LRMDA: variants seen among roughly 807,000 people sequenced by gnomAD.
LRMDA encodes the protein leucine-rich melanocyte differentiation-associated protein.
Under a neutral mutation model 29.8 loss-of-function variants are expected in LRMDA, and 18 were observed. The observed-to-expected ratio is 0.60, with a 90% CI of 0.42 to 0.90. The LOEUF is 0.90. LRMDA is among the 40% of genes least tolerant of loss of function. LRMDA has a pLI of 0.00. For synonymous variants in LRMDA, 125 were observed against 109.4 expected, an observed-to-expected ratio of 1.14 and a Z score of -0.89; for missense variants, 273 against 273.9, an observed-to-expected ratio of 1.00 and a Z score of 0.02.
intron 6 of LRMDA, among the ~76,000 whole-genome samples, chr10:76,340,373 G>C (rs1246235774): frequency 6.6e-6 from 1 of 151,744 alleles, no homozygotes; most frequent in African/African-American, 2.4e-5. Context: ...AAAAATAGCT[G>C]GGCATGGTGA....
intron 5 of LRMDA, among the ~76,000 whole-genome samples, chr10:76,107,330 C>G (rs999715840): frequency 6.6e-6 from 1 of 152,198 alleles, no homozygotes; most frequent in South Asian, 2.1e-4. Flanking sequence ...GCATTTCTCA[C>G]AAGTTCCCAG....
At chr10:76,269,657 A>T (rs538951298) in intron 5 of LRMDA, among the ~76,000 whole-genome samples, 1 of 152,192 alleles carries the variant, frequency 6.6e-6, no homozygotes, top group South Asian at 2.1e-4. Flanking sequence ...ACTTTTCACG[A>T]TATATGGTAC....
intron 5 of LRMDA, among the ~76,000 whole-genome samples, chr10:76,273,548 G>A (rs1018439236): frequency 8.5e-5 from 13 of 152,062 alleles, no homozygotes; most frequent in African/African-American, 3.1e-4. Context: ...CCTAAACTTT[G>A]CCATACCTCC....
At chr10:75,655,138 C>T (rs1031068643) in intron 2 of LRMDA, among the ~76,000 whole-genome samples, 5 of 152,180 alleles carry the variant, frequency 3.3e-5, no homozygotes, top group South Asian at 2.1e-4. Context: ...GACATTTTAA[C>T]GGGTACATGT....
At chr10:75,842,014 G>A (rs1217455944) in intron 2 of LRMDA, among the ~76,000 whole-genome samples, 1 of 152,118 alleles carries the variant, frequency 6.6e-6, no homozygotes, top group East Asian at 1.9e-4. Flanking sequence ...AGATATCCAC[G>A]TTTTTCTGGG....
intron 2 of LRMDA, among the ~76,000 whole-genome samples, chr10:75,527,110 A>T (rs578150030): frequency 4.6e-5 from 7 of 152,276 alleles, no homozygotes; most frequent in African/African-American, 1.7e-4. Context: ...GATATTTCAC[A>T]TAAATGGAAT....
chr10:76,221,389 A>G (rs1469572987), intron 5 of LRMDA, among the ~76,000 whole-genome samples: 2 of 152,260 alleles, frequency 1.3e-5, no homozygotes, highest in East Asian at 3.8e-4. Context: ...TCTCAGCCCA[A>G]AATCTACTTA....
intron 2 of LRMDA, among the ~76,000 whole-genome samples, chr10:76,000,082 A>G (rs1821966764): frequency 6.6e-6 from 1 of 152,220 alleles, no homozygotes; most frequent in Non-Finnish European, 1.5e-5. Context: ...AATGGAAAGA[A>G]ATCTCTTCTC....
At chr10:76,193,295 T>C (rs908457278) in intron 5 of LRMDA, among the ~76,000 whole-genome samples, 1 of 152,190 alleles carries the variant, frequency 6.6e-6, no homozygotes, top group Non-Finnish European at 1.5e-5. Context: ...ACTTAAAAAA[T>C]TTAAACATGT....
chr10:76,303,558 T>G (rs893853988), intron 5 of LRMDA, among the ~76,000 whole-genome samples: 2 of 152,128 alleles, frequency 1.3e-5, no homozygotes, highest in African/African-American at 4.8e-5. Flanking sequence ...ACATGAGGCC[T>G]TAACTCCCTT....
chr10:75,517,326 C>T (rs142689522), intron 2 of LRMDA, among the ~76,000 whole-genome samples: 2,088 of 152,254 alleles, frequency 0.014, 47 homozygotes, highest in African/African-American at 0.047. Context: ...TTCTTCCTAT[C>T]CTTGAGCCTT....
intron 5 of LRMDA, among the ~76,000 whole-genome samples, chr10:76,223,954 A>G (rs1005288207): frequency 6.6e-6 from 1 of 152,014 alleles, no homozygotes; most frequent in African/African-American, 2.4e-5. Context: ...CCTGCCGGAT[A>G]TGGAAGGTTG....
At chr10:75,810,189 G>A (rs560358441) in intron 2 of LRMDA, among the ~76,000 whole-genome samples, 117 of 152,338 alleles carry the variant, frequency 7.7e-4, no homozygotes, top group South Asian at 3.9e-3. Flanking sequence ...GGGGCATGAC[G>A]AGGCCAGGGC....
At chr10:76,256,385 C>A (rs1215893072) in intron 5 of LRMDA, among the ~76,000 whole-genome samples, 1 of 152,132 alleles carries the variant, frequency 6.6e-6, no homozygotes, top group African/African-American at 2.4e-5. Context: ...TCATTAAACA[C>A]TCTGTTGTGC....
Position 76,090,491 on chromosome 10 carries a change from AT to A in LRMDA, c.516+31710del, listed in dbSNP as rs1849213379. ...GTTCCTCAAAAAAATTAAAAGTAGA[AT>A]TACTGTACTATATGATCCGGCAATT... On this transcript the variant is annotated intron_variant, in intron 5 of 6. Coordinates refer to ENST00000611255, the MANE Select transcript of LRMDA (RefSeq NM_001305581.2). Among the ~76,000 whole-genome samples the A allele has an allele frequency of 2.0e-5, 3 of 152,128 alleles. No homozygotes were observed. The South Asian group carries it at 6.2e-4, about 32-fold the overall frequency.
At chr10:76,309,432 C>T (rs903435822) in intron 5 of LRMDA, among the ~76,000 whole-genome samples, 11 of 152,046 alleles carry the variant, frequency 7.2e-5, no homozygotes, top group African/African-American at 2.7e-4. Flanking sequence ...CCAAAAGGAA[C>T]AGTTCGAGGA....
At chr10:76,467,483 G>T (rs1374795811) in intron 6 of LRMDA, among the ~76,000 whole-genome samples, 1 of 152,086 alleles carries the variant, frequency 6.6e-6, no homozygotes, top group Admixed American at 6.6e-5. Context: ...ATTTTACTTG[G>T]TGCTTATGGT....
intron 2 of LRMDA, among the ~76,000 whole-genome samples, chr10:76,027,001 A>G (rs1465037271): frequency 6.6e-6 from 1 of 152,152 alleles, no homozygotes; most frequent in Non-Finnish European, 1.5e-5. Context: ...ATAATTTTCT[A>G]TTTGTTTTTG....
chr10:75,860,260 C>T (rs1844901671), intron 2 of LRMDA, among the ~76,000 whole-genome samples: 1 of 147,520 alleles, frequency 6.8e-6, no homozygotes, highest in Non-Finnish European at 1.5e-5. Context: ...AGCCTGAGGA[C>T]TACGCTCGAT....
Sources: gnomAD v4.1 joint callset for allele counts (sites outside exome capture counted in the v4.1 genomes callset) on GRCh38, gnomAD v4.1.1 for gene constraint, MANE v1.5 for transcripts, NCBI Gene and HGNC (gene_info 2026-07-23, HGNC 2026-07-21) for gene names.